RBFOX1: variants seen among roughly 807,000 people sequenced by gnomAD.
The protein encoded by RBFOX1 is RNA binding protein fox-1 homolog 1.
A neutral mutation model predicts 57.7 loss-of-function variants in RBFOX1; 8 were observed. The observed-to-expected ratio is 0.14, with a 90% CI of 0.08 to 0.25. The LOEUF (loss-of-function observed/expected upper bound fraction) is 0.25, where lower values mean the gene tolerates loss of function less well. RBFOX1 is among the 10% of genes least tolerant of loss of function. The probability of loss-of-function intolerance (pLI) is 1.00; values close to 1 mark genes in which losing one functional copy is unlikely to be tolerated. For synonymous variants in RBFOX1, 326 were observed against 222.4 expected (o/e 1.47, Z -4.15); for missense variants, 611 against 548.5 (o/e 1.11, Z -1.14).
At chr16:5,870,373 CAAAA>C (rs59398844) in intron 4 of RBFOX1, among the ~76,000 whole-genome samples, 2 of 91,142 alleles carry the variant, frequency 2.2e-5, no homozygotes, top group Non-Finnish European at 4.2e-5. Context: ...ATTTGTATGG[CAAAA>C]AAAAAAAAAA....
intron 4 of RBFOX1, among the ~76,000 whole-genome samples, chr16:7,174,456 T>C (rs1312320272): frequency 1.3e-5 from 2 of 152,138 alleles, no homozygotes; most frequent in Non-Finnish European, 1.5e-5. Flanking sequence ...AATTGCTGGG[T>C]TGTATGGTAA....
chr16:7,049,674 T>G, intron 3 of RBFOX1, among the ~76,000 whole-genome samples: 1 of 152,054 alleles, frequency 6.6e-6, no homozygotes, highest in Admixed American at 6.6e-5. Flanking sequence ...ACTTTAAATT[T>G]TGGTCGTTTT....
chr16:6,700,927 C>T (rs914969326), intron 3 of RBFOX1, among the ~76,000 whole-genome samples: 2 of 152,048 alleles, frequency 1.3e-5, no homozygotes, highest in Admixed American at 1.3e-4. Flanking sequence ...ACTACTTAAC[C>T]ATTGTTCGAG....
intron 4 of RBFOX1, among the ~76,000 whole-genome samples, chr16:7,306,169 G>GT (rs2096180230): frequency 1.3e-5 from 2 of 151,848 alleles, no homozygotes; most frequent in South Asian, 2.1e-4. Context: ...TGGTGTTTGT[G>GT]TTTTTTTCAA....
chr16:7,447,382 G>A (rs1240090783), intron 4 of RBFOX1, among the ~76,000 whole-genome samples: 1 of 145,204 alleles, frequency 6.9e-6, no homozygotes, highest in East Asian at 2.1e-4. Context: ...GCAGTGAGCT[G>A]AGATCATGCC....
chr16:7,284,861 C>T (rs1364873539), intron 4 of RBFOX1, among the ~76,000 whole-genome samples: 1 of 151,954 alleles, frequency 6.6e-6, no homozygotes, highest in Non-Finnish European at 1.5e-5. Flanking sequence ...CCACTGCCTT[C>T]TTGTACTGGA....
At chr16:5,467,575 C>A (rs994306158) in intron 2 of RBFOX1, among the ~76,000 whole-genome samples, 4 of 152,170 alleles carry the variant, frequency 2.6e-5, no homozygotes, top group Admixed American at 6.5e-5. Flanking sequence ...CATCATTGAA[C>A]TTTGAAGGTG....
At chr16:7,329,638 C>T (rs999551556) in intron 4 of RBFOX1, among the ~76,000 whole-genome samples, 3 of 152,162 alleles carry the variant, frequency 2.0e-5, no homozygotes, top group Admixed American at 6.5e-5. Context: ...ACATAAGTAC[C>T]GCAATCATAC....
At chr16:5,720,085 G>C (rs1215643850) in intron 3 of RBFOX1, among the ~76,000 whole-genome samples, 1 of 152,044 alleles carries the variant, frequency 6.6e-6, no homozygotes, top group African/African-American at 2.4e-5. Flanking sequence ...CACTTGGTAT[G>C]ATCAGTTTTG....
chr16:6,782,097 C>T (rs529695379), intron 3 of RBFOX1, among the ~76,000 whole-genome samples: 5 of 152,240 alleles, frequency 3.3e-5, no homozygotes, highest in Admixed American at 6.5e-5. Context: ...ACCTCCGCCT[C>T]CTGGGTTCAC....
At chr16:6,398,254 G>A (rs1286612020) in intron 2 of RBFOX1, among the ~76,000 whole-genome samples, 1 of 152,064 alleles carries the variant, frequency 6.6e-6, no homozygotes, top group East Asian at 1.9e-4. Flanking sequence ...TGCGGATTAT[G>A]GGAACTACAA....
intron 4 of RBFOX1, among the ~76,000 whole-genome samples, chr16:7,084,872 C>T (rs183625467): frequency 4.0e-5 from 6 of 148,788 alleles, no homozygotes; most frequent in African/African-American, 1.5e-4. Context: ...TCTATCTATC[C>T]ATCTATCTAT....
chr16:5,615,722 C>T (rs1210919146), intron 3 of RBFOX1, among the ~76,000 whole-genome samples: 4 of 152,216 alleles, frequency 2.6e-5, no homozygotes, highest in Non-Finnish European at 5.9e-5. Flanking sequence ...TTTGTGGGAC[C>T]TGAGCCTGGA....
At chr16:7,581,721 C>T (rs2093778807) in intron 6 of RBFOX1, among the ~76,000 whole-genome samples, 1 of 152,056 alleles carries the variant, frequency 6.6e-6, no homozygotes, top group Admixed American at 6.5e-5. Context: ...AGTTTCAGGG[C>T]TCTTGTTTTT....
intron 1 of RBFOX1, among the ~76,000 whole-genome samples, chr16:5,362,653 C>A (rs923584798): frequency 2.0e-5 from 3 of 152,086 alleles, no homozygotes; most frequent in Non-Finnish European, 4.4e-5. Flanking sequence ...TGAGCCACCG[C>A]GCCAGGCCAC....
chr16:6,565,704 G>A (rs922841470), intron 2 of RBFOX1, among the ~76,000 whole-genome samples: 2 of 152,124 alleles, frequency 1.3e-5, no homozygotes, highest in Non-Finnish European at 2.9e-5. Flanking sequence ...TCCTGACCTC[G>A]TGATCCGCCC....
intron 4 of RBFOX1, among the ~76,000 whole-genome samples, chr16:7,469,454 C>A (rs1466575302): frequency 1.3e-5 from 2 of 152,186 alleles, no homozygotes; most frequent in Admixed American, 6.5e-5. Flanking sequence ...CTTGCAATGA[C>A]CTTACAATGG....
chr16:5,781,276 AT>A (rs2054314540), intron 3 of RBFOX1, among the ~76,000 whole-genome samples: 1 of 152,276 alleles, frequency 6.6e-6, no homozygotes, highest in Admixed American at 6.5e-5. Context: ...TACAGTTTCA[AT>A]TTGCTTAGAA....
intron 2 of RBFOX1, among the ~76,000 whole-genome samples, chr16:6,378,672 A>G (rs1281189559): frequency 6.6e-6 from 1 of 152,090 alleles, no homozygotes; most frequent in East Asian, 1.9e-4. Context: ...AGCTCATCTC[A>G]AATGTCACCC....
Sources: gnomAD v4.1 joint callset for allele counts (sites outside exome capture counted in the v4.1 genomes callset) on GRCh38, gnomAD v4.1.1 for gene constraint, MANE v1.5 for transcripts, NCBI Gene and HGNC (gene_info 2026-07-23, HGNC 2026-07-21) for gene names.